CDNF: variants seen among roughly 807,000 people sequenced by gnomAD.
The protein encoded by CDNF is cerebral dopamine neurotrophic factor, also known as ARMET-like protein 1.
In CDNF, 9 loss-of-function variants were observed where a neutral mutation model predicts 14.8. The observed-to-expected ratio is 0.61, with a 90% CI of 0.37 to 1.06. The LOEUF (loss-of-function observed/expected upper bound fraction) is 1.06. Among genes scored for constraint, CDNF ranks in the 50% least tolerant of loss-of-function variants. CDNF has a pLI of 0.01. For missense variants in CDNF, 228 were observed against 228.4 expected, an observed-to-expected ratio of 1.00 and a Z score of 0.01; for synonymous variants, 86 against 87.2, an observed-to-expected ratio of 0.99 and a Z score of 0.07.
chr10:14,834,604 G>A (rs1328198175), intron 1 of CDNF, among the ~76,000 whole-genome samples: 1 of 152,124 alleles, frequency 6.6e-6, no homozygotes, highest in African/African-American at 2.4e-5. Context: ...TTTTATCACA[G>A]CATATATGCA....
chr10:14,837,952 G>T lies in CDNF; in HGVS notation c.-6C>A. 4 of 1,582,046 alleles carry T rather than the reference G, an allele frequency of 2.5e-6. No individual in the cohort carries two copies. Among genetic ancestry groups the T allele is most frequent in the Non-Finnish European group, 3.4e-6 (4 of 1,165,510 alleles). On this transcript the variant is annotated 5_prime_UTR_variant, in exon 1 of 4. Coordinates refer to ENST00000465530, the MANE Select transcript of CDNF (RefSeq NM_001029954.3). ...ACTGGGCTCGCGCACCACATGCTGG[G>T]CCAGCAGCTTCAATCGCCTCCGCCA...
At chr10:14,827,094 G>C (rs1408963382) in intron 2 of CDNF, among the ~76,000 whole-genome samples, 1 of 151,414 alleles carries the variant, frequency 6.6e-6, no homozygotes, top group East Asian at 1.9e-4. Flanking sequence ...AATTATCTGG[G>C]CATGGTGGCA....
chr10:14,833,358 G>C (rs1260762447), intron 1 of CDNF, among the ~76,000 whole-genome samples: 1 of 152,104 alleles, frequency 6.6e-6, no homozygotes, highest in Non-Finnish European at 1.5e-5. Flanking sequence ...GACGAAGAGG[G>C]AATTCTCCAG....
intron 2 of CDNF, 107 bp downstream of exon 2, chr10:14,828,038 A>T (rs1833813226): frequency 2.8e-6 from 3 of 1,090,450 alleles, no homozygotes; most frequent in Admixed American, 4.1e-5. Flanking sequence ...TAAAATGGAC[A>T]TACTTGAGGC....
intron 3 of CDNF, among the ~76,000 whole-genome samples, 157 bp from the exon 4 acceptor site, chr10:14,820,315 C>T (rs1192690686): frequency 6.6e-6 from 1 of 152,170 alleles, no homozygotes; most frequent in East Asian, 1.9e-4. Flanking sequence ...CCAAGACACA[C>T]CCAAGGAAAA....
chr10:14,826,887 T>C lies in CDNF; in HGVS notation c.243+1258A>G, dbSNP rs75427198. ...CTTTTCCCATCAGGCAATTCTGACA[T>C]TCAAGCTCCCTGACTTCAAAATTTT... On this transcript the variant is annotated intron_variant, in intron 2 of 3. Coordinates refer to ENST00000465530, the MANE Select transcript of CDNF (RefSeq NM_001029954.3). Among the ~76,000 whole-genome samples the C allele has an allele frequency of 5.5e-3, 834 of 152,044 alleles. 15 individuals carry two copies. Among genetic ancestry groups the C allele is most frequent in the Admixed American group, 0.012 (188 of 15,240 alleles).
rs1475837013 is a variant in CDNF, at chr10:14,819,769, C to G, written c.*211G>C. The G allele has an allele frequency of 4.5e-6, 2 of 444,954 alleles. No homozygotes were observed. The highest frequency in any genetic ancestry group is 7.8e-6 in the Non-Finnish European group (2 of 255,958). The allele number at this position is 444,954 out of a possible 1,614,324, so 27.6% of individuals were successfully genotyped here. A position where few individuals can be genotyped will look rare whatever the true frequency, so the allele number is the denominator to read the frequency against. ...TTCCAAGAAACTTATGAGAAAGGAA[C>G]TTTTAGCTTTTGGTACACTGCAAAT... is the stretch of plus-strand genomic sequence containing the variant. On this transcript the variant is annotated 3_prime_UTR_variant, in exon 4 of 4. Transcript: ENST00000465530.
intron 1 of CDNF, among the ~76,000 whole-genome samples, chr10:14,836,460 T>C (rs571629078): frequency 6.6e-6 from 1 of 152,372 alleles, no homozygotes; most frequent in East Asian, 1.9e-4. Context: ...AAATCAATTG[T>C]CTTTGCCTCA....
At chr10:14,831,549 TACAC>T (rs879601256) in intron 1 of CDNF, among the ~76,000 whole-genome samples, 5 of 147,296 alleles carry the variant, frequency 3.4e-5, no homozygotes, top group African/African-American at 1.0e-4. Context: ...AATACATATA[TACAC>T]ACACACACAC....
Position 14,829,376 on chromosome 10 carries a change from C to T in CDNF, c.116-1104G>A, listed in dbSNP as rs1000393177. On this transcript the variant is annotated intron_variant, in intron 1 of 3. Coordinates refer to ENST00000465530, the MANE Select transcript of CDNF (RefSeq NM_001029954.3). ...CTGTAATCCCAACACTTTGCAAGGC[C>T]AAGGCGAGAGGATCTCTTGAGGCCA... Among the ~76,000 whole-genome samples, 3 of 152,120 alleles carry T rather than the reference C, an allele frequency of 2.0e-5. No individual in the cohort carries two copies. The East Asian group carries it at 5.8e-4, about 29-fold the overall frequency.
intron 2 of CDNF, among the ~76,000 whole-genome samples, chr10:14,826,677 T>G (rs1026951451): frequency 2.6e-5 from 4 of 152,234 alleles, no homozygotes; most frequent in Non-Finnish European, 5.9e-5. Context: ...ACTAAGTGTT[T>G]TCTCTGTGCC....
At chr10:14,826,353 C>G (rs999954014) in intron 2 of CDNF, among the ~76,000 whole-genome samples, 12 of 138,662 alleles carry the variant, frequency 8.7e-5, no homozygotes, top group African/African-American at 3.3e-4. Flanking sequence ...GAAGCAGAAG[C>G]AGCAGAAGCA....
At chr10:14,830,643 C>T (rs931586136) in intron 1 of CDNF, among the ~76,000 whole-genome samples, 1 of 152,070 alleles carries the variant, frequency 6.6e-6, no homozygotes, top group African/African-American at 2.4e-5. Context: ...GTCAGGAGTT[C>T]GAGACCAGCC....
intron 1 of CDNF, among the ~76,000 whole-genome samples, chr10:14,829,764 C>T (rs750160054): frequency 6.6e-6 from 1 of 151,936 alleles, no homozygotes; most frequent in East Asian, 1.9e-4. Context: ...CAAGTAGCTG[C>T]GATTACAGGC....
At position 14,826,089 on chromosome 10, in the gene CDNF, A is replaced by G. The variant is rs1237796336; in HGVS notation, c.244-469T>C. 3.2e-5 allele frequency among the ~76,000 whole-genome samples: 4 copies of G among 125,512 alleles called. No homozygotes were observed. In the South Asian group the frequency reaches 8.2e-4, roughly 26 times the overall value. The allele number at this position is 125,512 out of a possible 152,430, so 82.3% of individuals were successfully genotyped here. ...GAAGAAGAAGAAGAAGAAGAAGAAG[A>G]AGAAGAAGCAGCAGCAGCAGCAGCA... On this transcript the variant is annotated intron_variant, in intron 2 of 3. Transcript: ENST00000465530.
intron 1 of CDNF, chr10:14,836,338 A>G (rs1833886269): frequency 6.6e-6 from 1 of 152,242 alleles, no homozygotes; most frequent in Non-Finnish European, 1.5e-5. Context: ...ACATGCAATA[A>G]TCACAGCATG....
In CDNF at chr10:14,833,052, GT is replaced by G. The variant is rs150427840; in HGVS notation, c.115+4779del. On this transcript the variant is annotated intron_variant, in intron 1 of 3. Coordinates refer to ENST00000465530, the MANE Select transcript of CDNF (RefSeq NM_001029954.3). ...TTTTTGTATTTTTAGTAGAGATGGGGTTTCGTTATGTTTGCCAGGCTGGTCT... is the reference window on the plus strand; with the variant it reads ...TTTTTGTATTTTTAGTAGAGATGGGGTTCGTTATGTTTGCCAGGCTGGTCT... Among the ~76,000 whole-genome samples the G allele has an allele frequency of 4.9e-3, 738 of 151,652 alleles. 6 individuals are homozygous for G. The highest frequency in any genetic ancestry group is 0.015 in the African/African-American group (603 of 41,340).
At chr10:14,833,487 T>C (rs1292092504) in intron 1 of CDNF, among the ~76,000 whole-genome samples, 2 of 152,210 alleles carry the variant, frequency 1.3e-5, no homozygotes, top group Non-Finnish European at 2.9e-5. Flanking sequence ...TTCCTTATAA[T>C]AAATCTCTTT....
At chr10:14,822,518 G>A (rs1833745971) in intron 3 of CDNF, among the ~76,000 whole-genome samples, 1 of 151,886 alleles carries the variant, frequency 6.6e-6, no homozygotes, top group African/African-American at 2.4e-5. Context: ...TGAGGTTGCA[G>A]TAAGCAGAGA....
Sources: gnomAD v4.1 joint callset for allele counts (sites outside exome capture counted in the v4.1 genomes callset) on GRCh38, gnomAD v4.1.1 for gene constraint, MANE v1.5 for transcripts, NCBI Gene and HGNC (gene_info 2026-07-23, HGNC 2026-07-21) for gene names.